Variants in TRIO observed in about 807,000 individuals in gnomAD.
TRIO encodes trio Rho guanine nucleotide exchange factor.
TRIO carries 58 observed loss-of-function variants against 351.9 expected under a neutral mutation model. The ratio of observed to expected loss-of-function variants is 0.16; its 90% CI spans 0.13 to 0.21. The LOEUF is 0.21. Among genes scored for constraint, TRIO ranks in the 10% least tolerant of loss-of-function variants. The pLI, the probability that TRIO is intolerant of heterozygous loss-of-function variation, is 1.00. For synonymous variants in TRIO, 1,758 were observed against 1,595.7 expected (o/e 1.10, Z -2.42); for missense variants, 3,201 against 4,027.8 (o/e 0.79, Z 5.56).
At chr5:14,211,982 CA>C (rs1791937087) in intron 1 of TRIO, among the ~76,000 whole-genome samples, 1 of 149,856 alleles carries the variant, frequency 6.7e-6, no homozygotes, top group African/African-American at 2.5e-5. Flanking sequence ...CAAAAACAAA[CA>C]AACAAAAAAA....
At position 14,336,618 on chromosome 5, in the gene TRIO, A is replaced by C; in HGVS notation, c.1937A>C (p.Tyr646Ser). 1.9e-6 allele frequency: 3 copies of C among 1,614,226 alleles called. No individual in the cohort carries two copies. The highest frequency in any genetic ancestry group is 2.5e-6 in the Non-Finnish European group (3 of 1,180,048). ...QTGECDPEEI[Y>S]QAAHQLEDRI... ...GGGGAATGTGACCCCGAAGAGATTT[A>C]TCAGGCTGCCCATCAGCTGGAAGAC... Residue 646 changes from tyrosine to serine, a missense_variant, in exon 11 of 57, where the codon TAT becomes TCT. This residue lies in a region of TRIO where 363 missense variants were observed against 553.5 expected (regional missense o/e 0.66). Transcript: ENST00000344204.
Position 14,507,928 on chromosome 5 carries a change from C to T in TRIO, c.8800C>T (p.Leu2934=). Reference sequence around the variant, plus strand: ...GAGTTTAGCCAAGCCAACCATCAAACTGGCTGACTTTGGAGATGCTGTTCA... The same window carrying T: ...GAGTTTAGCCAAGCCAACCATCAAATTGGCTGACTTTGGAGATGCTGTTCA... The part of the protein sequence containing the change: ...DESLAKPTIK[L]ADFGDAVQLN... Residue 2934 remains leucine, a synonymous_variant, in exon 57 of 57, where the codon CTG becomes TTG. Transcript: ENST00000344204. The T allele has an allele frequency of 6.2e-7, 1 of 1,614,186 alleles. No individual in the cohort carries two copies. The highest frequency in any genetic ancestry group is 1.3e-5 in the African/African-American group (1 of 75,064).
At chr5:14,367,036 C>G (rs1207758938) in intron 16 of TRIO, 57 bp downstream of exon 16, 1 of 1,604,628 alleles carries the variant, frequency 6.2e-7, no homozygotes, top group Admixed American at 1.7e-5. Context: ...GACAAACATC[C>G]TGAATCCCCC....
At chr5:14,158,993 A>T (rs557463752) in intron 1 of TRIO, among the ~76,000 whole-genome samples, 2 of 152,290 alleles carry the variant, frequency 1.3e-5, no homozygotes, top group Non-Finnish European at 2.9e-5. Flanking sequence ...ATACCTGAGG[A>T]AATGGAACTC....
At chr5:14,226,999 A>G (rs1261676782) in intron 1 of TRIO, among the ~76,000 whole-genome samples, 3 of 152,078 alleles carry the variant, frequency 2.0e-5, no homozygotes, top group African/African-American at 7.2e-5. Context: ...CCAAACAGGG[A>G]AAAACATCAT....
At chr5:14,493,605 T>C (rs1267836830) in intron 49 of TRIO, among the ~76,000 whole-genome samples, 1 of 152,170 alleles carries the variant, frequency 6.6e-6, no homozygotes, top group Non-Finnish European at 1.5e-5. Context: ...TCCTCAGGCC[T>C]GCCTGAGACA....
chr5:14,301,092 C>A (rs1265422049), intron 7 of TRIO, among the ~76,000 whole-genome samples: 3 of 151,972 alleles, frequency 2.0e-5, no homozygotes, highest in Non-Finnish European at 2.9e-5. Context: ...GATTGGAGGC[C>A]CCCTCTCAGC....
chr5:14,495,085 G>A (rs1386658442), intron 49 of TRIO, among the ~76,000 whole-genome samples: 2 of 152,202 alleles, frequency 1.3e-5, no homozygotes, highest in Admixed American at 6.5e-5. Context: ...ATTAACAGTG[G>A]TTTGGAAGAA....
At chr5:14,434,255 T>C (rs1447688439) in intron 34 of TRIO, among the ~76,000 whole-genome samples, 1 of 152,250 alleles carries the variant, frequency 6.6e-6, no homozygotes, top group Admixed American at 6.5e-5. Flanking sequence ...TATTGTAATT[T>C]TGTTCATTCT....
intron 1 of TRIO, among the ~76,000 whole-genome samples, chr5:14,193,879 T>C (rs1266483748): frequency 7.3e-6 from 1 of 137,740 alleles, no homozygotes; most frequent in Non-Finnish European, 1.7e-5. Flanking sequence ...TAGATAACAG[T>C]GACCGTTTAC....
At chr5:14,453,284 A>G (rs1244053571) in intron 34 of TRIO, among the ~76,000 whole-genome samples, 1 of 152,220 alleles carries the variant, frequency 6.6e-6, no homozygotes, top group Non-Finnish European at 1.5e-5. Flanking sequence ...TGCTGATAGT[A>G]TCTTGTGCTC....
At chr5:14,365,826 C>G (rs80326504) in intron 15 of TRIO, among the ~76,000 whole-genome samples, 3,265 of 152,274 alleles carry the variant, frequency 0.021, 111 homozygotes, top group African/African-American at 0.074. Flanking sequence ...CCTTTCCCTT[C>G]TGGTTGCCAA....
intron 21 of TRIO, among the ~76,000 whole-genome samples, chr5:14,387,124 C>T (rs914753148): frequency 3.3e-5 from 5 of 152,198 alleles, no homozygotes; most frequent in African/African-American, 4.8e-5. Context: ...CCGCGTTCTT[C>T]GCATACATTC....
chr5:14,416,926 C>T (rs1374052109), intron 33 of TRIO, among the ~76,000 whole-genome samples: 1 of 152,166 alleles, frequency 6.6e-6, no homozygotes, highest in East Asian at 1.9e-4. Flanking sequence ...TTCTCACGTG[C>T]GCTCAGTGAA....
chr5:14,348,848 A>C (rs1742711986), intron 11 of TRIO, among the ~76,000 whole-genome samples: 1 of 28,448 alleles, frequency 3.5e-5, no homozygotes, highest in Admixed American at 3.1e-4. Flanking sequence ...TACGCACGTG[A>C]GCATGTTTTT....
chr5:14,438,984 T>C (rs1056956563), intron 34 of TRIO, among the ~76,000 whole-genome samples: 2 of 152,230 alleles, frequency 1.3e-5, no homozygotes, highest in African/African-American at 2.4e-5. Flanking sequence ...TGTGCGATGC[T>C]ACACCTCTGA....
intron 2 of TRIO, 149 bp from the exon 3 acceptor site, chr5:14,280,173 C>G (rs1735876822): frequency 2.9e-6 from 2 of 680,622 alleles, no homozygotes; most frequent in Non-Finnish European, 5.1e-6. Context: ...ATGACATGTC[C>G]TCACTGTGCC....
At chr5:14,262,966 C>T (rs994960697) in intron 1 of TRIO, among the ~76,000 whole-genome samples, 1 of 152,126 alleles carries the variant, frequency 6.6e-6, no homozygotes, top group Non-Finnish European at 1.5e-5. Flanking sequence ...CCCACCCCTG[C>T]TTTCTTCTCT....
chr5:14,195,462 G>A (rs1468209279), intron 1 of TRIO, among the ~76,000 whole-genome samples: 1 of 152,092 alleles, frequency 6.6e-6, no homozygotes, highest in African/African-American at 2.4e-5. Flanking sequence ...GATGGTGTCC[G>A]CCAACTCCAT....
Sources: allele counts gnomAD v4.1 joint callset (sites outside exome capture counted in the v4.1 genomes callset), GRCh38; gene constraint gnomAD v4.1.1; regional missense constraint gnomAD v4.1.1; transcripts MANE v1.5; gene names NCBI Gene and HGNC (gene_info 2026-07-23, HGNC 2026-07-21).